Variants in CCL1 observed in about 807,000 individuals in gnomAD.
The protein encoded by CCL1 is C-C motif chemokine 1.
In CCL1, 9 loss-of-function variants were observed where a neutral mutation model predicts 7.5. That is an observed-to-expected ratio of 1.20 (90% CI 0.72 to 2.09). The LOEUF (loss-of-function observed/expected upper bound fraction) is 2.09. Among genes scored for constraint, CCL1 ranks in the 30% most tolerant of loss-of-function variants. CCL1 has a pLI of 0.00. For synonymous variants in CCL1, 48 were observed against 44.7 expected, an observed-to-expected ratio of 1.07 and a Z score of -0.30; for missense variants, 110 against 113.7, an observed-to-expected ratio of 0.97 and a Z score of 0.15.
rs1273914188 is a variant in CCL1 at position 34,363,152 on chromosome 17, T to C, written c.10A>G (p.Ile4Val). The C allele has an allele frequency of 6.2e-7, 1 of 1,613,802 alleles. No individual in the cohort carries two copies. Among genetic ancestry groups the C allele is most frequent in the East Asian group, 2.2e-5 (1 of 44,874 alleles). Residue 4 changes from isoleucine to valine, a missense_variant, in exon 1 of 3, where the codon ATC becomes GTC. Transcript: ENST00000225842. ...AGCAAGCACACCAGGGCTGTGGTGA[T>C]GATCTGCATGTCTTCTGGTCTGGCT... MQI[I>V]TTALVCLLLA...
Position 34,360,542 on chromosome 17 carries a change from A to G in CCL1, c.*17T>C. The G allele has an allele frequency of 6.3e-7, 1 of 1,594,642 alleles. No homozygotes were observed. Among genetic ancestry groups the G allele is most frequent in the Non-Finnish European group, 8.6e-7 (1 of 1,162,254 alleles). On this transcript the variant is annotated 3_prime_UTR_variant, in exon 3 of 3. Coordinates refer to ENST00000225842, the MANE Select transcript of CCL1 (RefSeq NM_002981.2). ...AAGCCATGTGGTTTCCAGAGCCCAC[A>G]ATGGAAAGAAATCTGCTCATTTTCT...
At chr17:34,361,115 T>C (rs1231378750) in intron 2 of CCL1, among the ~76,000 whole-genome samples, 3 of 152,076 alleles carry the variant, frequency 2.0e-5, no homozygotes, top group Non-Finnish European at 2.9e-5. Context: ...TCTGTCTACT[T>C]CCTAAACTGG....
Position 34,360,334 on chromosome 17 carries a change from T to C in CCL1, c.*225A>G. Reference sequence around the variant, plus strand: ...TCCTTCAGCCCCTGGCTCCCACCTCTCAATGCCAATCAAGTTTTCACTCTG... The same window carrying C: ...TCCTTCAGCCCCTGGCTCCCACCTCCCAATGCCAATCAAGTTTTCACTCTG... On this transcript the variant is annotated 3_prime_UTR_variant, in exon 3 of 3. Coordinates refer to ENST00000225842, the MANE Select transcript of CCL1 (RefSeq NM_002981.2). 2.0e-6 allele frequency: 1 copy of C among 493,290 alleles called. No individual in the cohort carries two copies. The allele number at this position is 493,290 out of a possible 1,614,324, so 30.6% of individuals were successfully genotyped here. A position where few individuals can be genotyped will look rare whatever the true frequency, so the allele number is the denominator to read the frequency against.
At chr17:34,362,040 G>C (rs1452036098) in intron 1 of CCL1, 144 bp from the exon 2 acceptor site, 1 of 557,840 alleles carries the variant, frequency 1.8e-6, no homozygotes, top group Non-Finnish European at 3.3e-6. Flanking sequence ...GCATAGCTCT[G>C]CCTCATCAGC....
rs185823036 is a variant in CCL1, at chr17:34,363,037, C to T, written c.76+49G>A. On this transcript the variant is annotated intron_variant, in intron 1 of 2. Transcript: ENST00000225842. The stretch of plus-strand genomic sequence containing the variant: ...GCTCCAACCCCAGAGTGGCTGACCA[C>T]GTTTCTGCCCTCCCCAGAGAGAAGC... The T allele has an allele frequency of 4.4e-5, 69 of 1,570,370 alleles. No homozygotes were observed. In the East Asian group the frequency reaches 4.9e-4, roughly 11 times the overall value.
chr17:34,362,594 C>T (rs542929864), intron 1 of CCL1, among the ~76,000 whole-genome samples: 1 of 152,138 alleles, frequency 6.6e-6, no homozygotes, highest in African/African-American at 2.4e-5. Flanking sequence ...CCCTTTCATG[C>T]CTCTTACTAG....
Position 34,360,650 on chromosome 17 carries a change from T to C in CCL1, c.200A>G (p.Lys67Arg), listed in dbSNP as rs1346068115. 6 of 1,612,746 alleles carry C rather than the reference T, an allele frequency of 3.7e-6. No individual in the cohort carries two copies. The African/African-American group carries it at 8.0e-5, about 22-fold the overall frequency. The change falls in exon 3 of 3, where the codon AAG becomes AGG. Residue 67 changes from lysine (K) to arginine (R), a missense_variant. Physicochemically the swap from Lys to Arg is conservative, Grantham distance 26. Transcript: ENST00000225842. Reference protein sequence around the residue: ...CSNEGLIFKLKRGKEACALDT... With the variant: ...CSNEGLIFKLRRGKEACALDT... ...CAAGGCGCAGGCCTCTTTGCCTCTC[T>C]TCAGCTTGAATCTGTGAACAGAGAA...
intron 2 of CCL1, 139 bp downstream of exon 2, chr17:34,361,646 T>A: frequency 1.6e-6 from 1 of 624,468 alleles, no homozygotes. Flanking sequence ...CGCCCAAGTG[T>A]GGCTTGCACC....
intron 1 of CCL1, among the ~76,000 whole-genome samples, 190 bp from the exon 2 acceptor site, chr17:34,362,086 T>C (rs896607271): frequency 2.0e-5 from 3 of 152,162 alleles, no homozygotes; most frequent in African/African-American, 7.2e-5. Context: ...AGTCAGAAGA[T>C]TGGGGTTCAG....
chr17:34,363,072 C>T lies in CCL1; in HGVS notation c.76+14G>A, dbSNP rs1277364101. ...CTCCCCAGAGAGAAGCAAAATGATG[C>T]CTGCCACACTCACTGCTCTTGCTGT... is the stretch of plus-strand genomic sequence containing the variant. On this transcript the variant is annotated intron_variant, in intron 1 of 2. Coordinates refer to ENST00000225842, the MANE Select transcript of CCL1 (RefSeq NM_002981.2). The T allele has an allele frequency of 1.9e-6, 3 of 1,610,572 alleles. No individual in the cohort carries two copies. Among genetic ancestry groups the T allele is most frequent in the African/African-American group, 1.3e-5 (1 of 75,024 alleles).
At chr17:34,362,960 C>T (rs181374710) in intron 1 of CCL1, 126 bp downstream of exon 1, 14 of 832,242 alleles carry the variant, frequency 1.7e-5, no homozygotes, top group Non-Finnish European at 2.3e-5. Context: ...ACCATTCCTC[C>T]TCTTTAGGTA....
chr17:34,361,563 GA>G (rs1328916567), intron 2 of CCL1, among the ~76,000 whole-genome samples: 1 of 152,186 alleles, frequency 6.6e-6, no homozygotes, highest in Non-Finnish European at 1.5e-5. Flanking sequence ...GGAGTTTCAG[GA>G]AACACAAGCC....
At chr17:34,361,146 C>A (rs1910496379) in intron 2 of CCL1, among the ~76,000 whole-genome samples, 1 of 152,120 alleles carries the variant, frequency 6.6e-6, no homozygotes, top group South Asian at 2.1e-4. Flanking sequence ...AATCTATAGA[C>A]CAACTCTATC....
At chr17:34,362,053 C>G (rs114586601) in intron 1 of CCL1, among the ~76,000 whole-genome samples, 157 bp from the exon 2 acceptor site, 314 of 152,308 alleles carry the variant, frequency 2.1e-3, no homozygotes, top group African/African-American at 7.3e-3. Context: ...TCATCAGCCA[C>G]CTTGTTCTGG....
At position 34,360,526 on chromosome 17, in the gene CCL1, G is replaced by A. The variant is rs1597614416; in HGVS notation, c.*33C>T. 1 of 1,510,226 alleles carries A rather than the reference G, an allele frequency of 6.6e-7. No homozygotes were observed. Among genetic ancestry groups the A allele is most frequent in the African/African-American group, 1.4e-5 (1 of 72,882 alleles). 93.6% of individuals were successfully genotyped at this position (1,510,226 alleles called of 1,614,324 possible). ...GTTTCGGGGACAGGTGAAGCCATGT[G>A]GTTTCCAGAGCCCACAATGGAAAGA... On this transcript the variant is annotated 3_prime_UTR_variant, in exon 3 of 3. Transcript: ENST00000225842.
At chr17:34,362,662 A>G (rs1910536499) in intron 1 of CCL1, among the ~76,000 whole-genome samples, 1 of 152,080 alleles carries the variant, frequency 6.6e-6, no homozygotes, top group Middle Eastern at 3.2e-3. Flanking sequence ...TTTCACTGAT[A>G]GAGAAAGTAG....
rs377017067 is a variant in CCL1, at chr17:34,360,710, G to T, written c.189-49C>A. The T allele has an allele frequency of 1.2e-5, 18 of 1,453,800 alleles. No homozygotes were observed. In the South Asian group the frequency reaches 1.6e-4, roughly 13 times the overall value. 90.1% of individuals were successfully genotyped at this position (1,453,800 alleles called of 1,614,324 possible). A position where few individuals can be genotyped will look rare whatever the true frequency, so the allele number is the denominator to read the frequency against. ...AGGCTGAGCCACCCAAGCCACCACT[G>T]GGTGGGCAACGCACAAGCCCCGCCT... On this transcript the variant is annotated intron_variant, in intron 2 of 2. Transcript: ENST00000225842.
chr17:34,361,962 T>TA (rs1456439909), intron 1 of CCL1, 66 bp from the exon 2 acceptor site: 36 of 1,032,768 alleles, frequency 3.5e-5, no homozygotes, highest in Middle Eastern at 2.2e-4. Flanking sequence ...GCACAATTTT[T>TA]AAAAAACAAA....
chr17:34,361,289 TTTGTGAAAGCTACTCCA>T (rs1910500173), intron 2 of CCL1, among the ~76,000 whole-genome samples: 1 of 152,096 alleles, frequency 6.6e-6, no homozygotes, highest in Non-Finnish European at 1.5e-5. Flanking sequence ...TACTGACTGG[TTTGTGAAAGCTACTCCA>T]ATTAAGTTTG....
Sources: allele counts gnomAD v4.1 joint callset (sites outside exome capture counted in the v4.1 genomes callset), GRCh38; gene constraint gnomAD v4.1.1; transcripts MANE v1.5; gene names NCBI Gene and HGNC (gene_info 2026-07-23, HGNC 2026-07-21).